Variants in TPGS2 observed in about 807,000 individuals in gnomAD.
TPGS2 encodes the protein polyglutamylase subunit 2.
A neutral mutation model predicts 31.1 loss-of-function variants in TPGS2; 26 were observed. That is an observed-to-expected ratio of 0.84 (90% CI 0.61 to 1.16). The LOEUF (loss-of-function observed/expected upper bound fraction) is 1.16. Among genes scored for constraint, TPGS2 ranks in the 50% most tolerant of loss-of-function variants. TPGS2 has a pLI of 0.00. For missense variants in TPGS2, 351 were observed against 363.8 expected, an observed-to-expected ratio of 0.96 and a Z score of 0.29; for synonymous variants, 130 against 136.6, an observed-to-expected ratio of 0.95 and a Z score of 0.34.
chr18:36,814,760 T>C (rs955966037), intron 2 of TPGS2, among the ~76,000 whole-genome samples: 2 of 152,210 alleles, frequency 1.3e-5, no homozygotes, highest in Non-Finnish European at 2.9e-5. Flanking sequence ...TTTATTCCGA[T>C]GTTGCTTTGG....
At chr18:36,790,721 A>G (rs2044281757), downstream of TPGS2, among the ~76,000 whole-genome samples, 1 of 152,222 alleles carries the variant, frequency 6.6e-6, no homozygotes, top group Non-Finnish European at 1.5e-5. Context: ...ATCTTTTCAT[A>G]ATTTGCATAA....
Position 36,800,278 on chromosome 18 carries a change from T to A in TPGS2, c.416A>T (p.Asp139Val), listed in dbSNP as rs757197009. ...CAGCTCAAATATCACACTGCGAGAG[T>A]CAAAGTGAGGCTTCTCTGGCTGATC... is the stretch of plus-strand genomic sequence containing the variant. ...SDDQPEKPHF[D>V]SRSVIFELDS... The change falls in exon 5 of 7, where the codon GAC (aspartate) becomes GTC (valine). Residue 139 changes from aspartate (D) to valine (V), a missense_variant. Asp to Val is a radical substitution (Grantham distance 152). Coordinates refer to ENST00000334295, the MANE Select transcript of TPGS2 (RefSeq NM_015476.4). 9 of 1,613,974 alleles carry A rather than the reference T, an allele frequency of 5.6e-6. No homozygotes were observed. The highest frequency in any genetic ancestry group is 1.6e-4 in the Middle Eastern group (1 of 6,062).
intron 2 of TPGS2, among the ~76,000 whole-genome samples, chr18:36,808,364 A>T (rs1340069178): frequency 6.6e-6 from 1 of 152,138 alleles, no homozygotes; most frequent in Non-Finnish European, 1.5e-5. Flanking sequence ...AGAGCATCTT[A>T]AAAGTGAAGA....
intron 6 of TPGS2, among the ~76,000 whole-genome samples, chr18:36,784,196 G>A (rs1265332720): frequency 6.6e-6 from 1 of 152,178 alleles, no homozygotes; most frequent in African/African-American, 2.4e-5. Context: ...CCAAGCTTGT[G>A]GTGATTCCTC....
chr18:36,819,074 C>T (rs2045785854), intron 1 of TPGS2, 101 bp from the exon 2 acceptor site: 1 of 952,944 alleles, frequency 1.0e-6, no homozygotes, highest in East Asian at 2.4e-5. Flanking sequence ...TTAAGAACAT[C>T]CAATCCTTCT....
At position 36,796,691 on chromosome 18, in the gene TPGS2, A is replaced by T. The variant is rs552705984; in HGVS notation, c.*114T>A. 41 of 1,465,478 alleles carry T rather than the reference A, an allele frequency of 2.8e-5. No homozygotes were observed. In the South Asian group the frequency reaches 6.2e-4, roughly 22 times the overall value. 90.8% of individuals were successfully genotyped at this position (1,465,478 alleles called of 1,614,324 possible). On this transcript the variant is annotated 3_prime_UTR_variant, in exon 7 of 7. Transcript: ENST00000334295. Reference sequence around the variant, plus strand: ...GACTAAAAGCCTTACAATTTTGGTCATTCAACTAGAAAGAGGCCTACGGTC... The same window carrying T: ...GACTAAAAGCCTTACAATTTTGGTCTTTCAACTAGAAAGAGGCCTACGGTC...
intron 6 of TPGS2, chr18:36,787,096 T>C (rs753583124): frequency 4.0e-5 from 49 of 1,232,350 alleles, no homozygotes; most frequent in Middle Eastern, 6.0e-4. Context: ...CAGATGGAAA[T>C]AGGAATACAT....
chr18:36,828,043 C>A (rs561161852), intron 1 of TPGS2, among the ~76,000 whole-genome samples: 91 of 152,166 alleles, frequency 6.0e-4, no homozygotes, highest in African/African-American at 2.2e-3. Context: ...CCTGTCTCTA[C>A]TAAAAATACA....
intron 2 of TPGS2, among the ~76,000 whole-genome samples, chr18:36,816,293 G>C (rs2045650879): frequency 6.6e-6 from 1 of 152,136 alleles, no homozygotes; most frequent in South Asian, 2.1e-4. Context: ...GCATTGTCCA[G>C]GAGGCAGATT....
rs761615059 is a variant in TPGS2, at chr18:36,805,448, T to G, written c.308A>C (p.Gln103Pro). Residue 103 changes from glutamine to proline, a missense_variant, in exon 4 of 7, where the codon CAG becomes CCG. Transcript: ENST00000334295. ...MAINSISKLTQLTQSSMYSLP... is the reference protein window; with the variant it reads ...MAINSISKLTPLTQSSMYSLP... Reference sequence around the variant, plus strand: ...TGAATACATGGAAGACTGGGTGAGCTGAGTCAGTTTTGAGATGCTGTTAAT... The same window carrying G: ...TGAATACATGGAAGACTGGGTGAGCGGAGTCAGTTTTGAGATGCTGTTAAT... 2.5e-6 allele frequency: 4 copies of G among 1,614,052 alleles called. No individual in the cohort carries two copies. Among genetic ancestry groups the G allele is most frequent in the Non-Finnish European group, 3.4e-6 (4 of 1,179,924 alleles).
At chr18:36,818,787 C>T (rs2045769956) in intron 2 of TPGS2, 107 bp downstream of exon 2, 1 of 1,002,538 alleles carries the variant, frequency 1.0e-6, no homozygotes, top group Admixed American at 2.3e-5. Context: ...ACCTTGAAAG[C>T]AGCTGTGGTC....
intron 4 of TPGS2, among the ~76,000 whole-genome samples, chr18:36,803,170 T>C (rs1324931634): frequency 6.6e-6 from 1 of 152,172 alleles, no homozygotes. Flanking sequence ...TATTTTGAAA[T>C]ATACATTATT....
In TPGS2 at chr18:36,807,929, A is replaced by G. The variant is rs1054022870; in HGVS notation, c.171T>C (p.Asn57=). 1 of 1,614,030 alleles carries G rather than the reference A, an allele frequency of 6.2e-7. No individual in the cohort carries two copies. The highest frequency in any genetic ancestry group is 8.5e-7 in the Non-Finnish European group (1 of 1,180,030). The change falls in exon 3 of 7, where the codon AAT becomes AAC. Residue 57 remains asparagine (N), a synonymous_variant. Transcript: ENST00000334295. ...TCACATCTTCAGGCATCACACAGTT[A>G]TTCTTCTAGAATCACAAAGCAGCTA... ...RHMISSWEQK[N]NCVMPEDVKN...
intron 2 of TPGS2, among the ~76,000 whole-genome samples, chr18:36,808,632 C>A (rs796935504): frequency 1.6e-4 from 24 of 150,908 alleles, no homozygotes; most frequent in African/African-American, 5.6e-4. Flanking sequence ...AGAGAGACTC[C>A]ATCTCAAAAA....
In TPGS2 at chr18:36,818,983, A is replaced by G. The variant is rs2045781422; in HGVS notation, c.86-10T>C. On this transcript the variant is annotated splice_polypyrimidine_tract_variant and intron_variant, in intron 1 of 6. Coordinates refer to ENST00000334295, the MANE Select transcript of TPGS2 (RefSeq NM_015476.4). ...ACACCTGGGGAAGATTCTGGAAGAG[A>G]AAAAAGAGTCTGTAGAGTTGCAATT... 1 of 1,610,516 alleles carries G rather than the reference A, an allele frequency of 6.2e-7. No homozygotes were observed. The highest frequency in any genetic ancestry group is 8.5e-7 in the Non-Finnish European group (1 of 1,177,796).
At position 36,796,796 on chromosome 18, in the gene TPGS2, G is replaced by A; in HGVS notation, c.*9C>T. On this transcript the variant is annotated 3_prime_UTR_variant, in exon 7 of 7. Coordinates refer to ENST00000334295, the MANE Select transcript of TPGS2 (RefSeq NM_015476.4). ...TCTGGAGCTGGTAGGGAGTTGGAGG[G>A]AGGGGTGCTCACTTCCGGGTGGGGT... 5.0e-6 allele frequency: 8 copies of A among 1,591,650 alleles called. No individual in the cohort carries two copies. Among genetic ancestry groups the A allele is most frequent in the Non-Finnish European group, 6.8e-6 (8 of 1,173,836 alleles).
downstream of TPGS2, among the ~76,000 whole-genome samples, chr18:36,792,266 TGAATA>T (rs1380852721): frequency 1.3e-5 from 2 of 152,122 alleles, no homozygotes; most frequent in Non-Finnish European, 2.9e-5. Context: ...ATAGATAAAT[TGAATA>T]GAATTATTTA....
chr18:36,784,512 T>C (rs1045686158), intron 6 of TPGS2, among the ~76,000 whole-genome samples: 4 of 152,210 alleles, frequency 2.6e-5, no homozygotes, highest in Non-Finnish European at 5.9e-5. Flanking sequence ...TGAAGGTATA[T>C]GATATTAAAA....
intron 5 of TPGS2, among the ~76,000 whole-genome samples, chr18:36,799,393 A>C (rs1600755506): frequency 6.6e-6 from 1 of 152,066 alleles, no homozygotes; most frequent in East Asian, 1.9e-4. Context: ...CTCACCCCCT[A>C]CATGAACCAT....
Sources: allele counts gnomAD v4.1 joint callset (sites outside exome capture counted in the v4.1 genomes callset), GRCh38; gene constraint gnomAD v4.1.1; transcripts MANE v1.5; gene names NCBI Gene and HGNC (gene_info 2026-07-23, HGNC 2026-07-21).